Variants in TUBGCP5 observed in about 807,000 individuals in gnomAD.
The protein encoded by TUBGCP5 is tubulin gamma complex component 5.
Under a neutral mutation model 134.7 loss-of-function variants are expected in TUBGCP5, and 98 were observed. The ratio of observed to expected loss-of-function variants is 0.73; its 90% CI spans 0.62 to 0.86. TUBGCP5 has a LOEUF of 0.86. Among genes scored for constraint, TUBGCP5 ranks in the 40% least tolerant of loss-of-function variants. TUBGCP5 has a pLI of 0.00. For synonymous variants in TUBGCP5, 456 were observed against 431.4 expected, an observed-to-expected ratio of 1.06 and a Z score of -0.71; for missense variants, 1,150 against 1,244.8, an observed-to-expected ratio of 0.92 and a Z score of 1.15.
Position 23,024,115 on chromosome 15 carries a change from C to A in TUBGCP5, c.1000G>T (p.Val334Phe). 6.2e-7 allele frequency: 1 copy of A among 1,614,136 alleles called. No homozygotes were observed. Among genetic ancestry groups the A allele is most frequent in the South Asian group, 1.1e-5 (1 of 91,086 alleles). The change falls in exon 10 of 23, where the codon GTC becomes TTC. Residue 334 changes from valine to phenylalanine, a missense_variant. This residue lies in a region of TUBGCP5 where 697 missense variants were observed against 850.1 expected (regional missense o/e 0.82). Transcript: ENST00000615383. ...ATGCTCTCAGAACTGTGTCCCATGA[C>A]TTCATCAATGAACTCCTGGAGTCGA... ...VFRLQEFIDE[V>F]MGHSSESMLP...
intron 1 of TUBGCP5, among the ~76,000 whole-genome samples, chr15:23,038,224 TAAATA>T (rs577335397): frequency 1.9e-4 from 29 of 152,254 alleles, no homozygotes; most frequent in Middle Eastern, 3.4e-3. Flanking sequence ...AATCTGTACT[TAAATA>T]AAATTACACT....
chr15:23,013,410 C>A lies in TUBGCP5; in HGVS notation c.1757-2079G>T, dbSNP rs1036665964. On this transcript the variant is annotated intron_variant, in intron 13 of 22. Coordinates refer to ENST00000615383, the MANE Select transcript of TUBGCP5 (RefSeq NM_052903.6). The surrounding 1 kb of genome is among the most constrained non-coding windows in gnomAD (Gnocchi z 4.5). ...GCAGTGAGCCGAGATCGCGCCGCTG[C>A]ACTCCAGCCTGGGCGACAGGGAAAG... Among the ~76,000 whole-genome samples, 22 of 151,952 alleles carry A rather than the reference C, an allele frequency of 1.4e-4. No individual in the cohort carries two copies. The highest frequency in any genetic ancestry group is 4.6e-4 in the African/African-American group (19 of 41,372).
chr15:22,992,613 C>G (rs190309635), intron 23 of TUBGCP5, among the ~76,000 whole-genome samples: 205 of 152,182 alleles, frequency 1.3e-3, no homozygotes, highest in Admixed American at 3.0e-3. Flanking sequence ...GGGCATGGCT[C>G]TGGGACCAGG....
In TUBGCP5 at chr15:23,021,959, G is replaced by A. The variant is rs1307787702; in HGVS notation, c.1371C>T (p.Thr457=). Reference sequence around the variant, plus strand: ...CACTTTAGGCAGAAGTCTCACTTACGGTTTGCTCAGAGGCTTCTCCAACAT... The same window carrying A: ...CACTTTAGGCAGAAGTCTCACTTACAGTTTGCTCAGAGGCTTCTCCAACAT... ...YDNVGEASEQ[T]VSLLFSLWVE... Residue 457 remains threonine, a splice_region_variant and synonymous_variant, in exon 11 of 23, where the codon ACC becomes ACT. Coordinates refer to ENST00000615383, the MANE Select transcript of TUBGCP5 (RefSeq NM_052903.6). 5 of 1,614,006 alleles carry A rather than the reference G, an allele frequency of 3.1e-6. No individual in the cohort carries two copies. The highest frequency in any genetic ancestry group is 2.2e-5 in the East Asian group (1 of 44,872).
chr15:23,014,052 C>CA (rs1268278493), intron 13 of TUBGCP5, among the ~76,000 whole-genome samples: 1 of 152,218 alleles, frequency 6.6e-6, no homozygotes, highest in East Asian at 1.9e-4. Flanking sequence ...AACAGTCTGG[C>CA]AGCCCCAACA....
rs1397635381 is a variant in TUBGCP5, at chr15:23,027,231, G to A, written c.698C>T (p.Pro233Leu). The A allele has an allele frequency of 1.9e-6, 3 of 1,613,966 alleles. No individual in the cohort carries two copies. In the Admixed American group the frequency reaches 5.0e-5, roughly 27 times the overall value. The change falls in exon 7 of 23, where the codon CCT (proline) becomes CTT (leucine). Residue 233 changes from proline (P) to leucine (L), a missense_variant. Transcript: ENST00000615383. ...ATTAGAGTGCAAATGTAAACTATGA[G>A]GAAACTGGGAGGGCCTGGCTGTCCA... ...QYWTARPSQF[P>L]HSLHLHSNLA...
chr15:23,035,842 C>G (rs954435372), intron 3 of TUBGCP5, among the ~76,000 whole-genome samples: 3 of 152,142 alleles, frequency 2.0e-5, no homozygotes, highest in South Asian at 2.1e-4. Context: ...CTTACTGATT[C>G]CCTCAACAAA....
rs777388921 is a variant in TUBGCP5, at chr15:23,024,015, G to A, written c.1100C>T (p.Ala367Val). The A allele has an allele frequency of 2.5e-6, 4 of 1,613,954 alleles. No individual in the cohort carries two copies. The highest frequency in any genetic ancestry group is 1.7e-6 in the Non-Finnish European group (2 of 1,179,964). The stretch of plus-strand genomic sequence containing the variant: ...GAAACTAATGAAATATTTGTACAGG[G>A]CCCACATGAAAGCCTGGTAGGTTCT... ...PFRTYQAFMW[A>V]LYKYFISFKE... is the part of the protein sequence containing the mutation. The change falls in exon 10 of 23, where the codon GCC becomes GTC. Residue 367 changes from alanine (A) to valine (V), a missense_variant. By Grantham distance (64) the Ala-to-Val change is moderately conservative. Coordinates refer to ENST00000615383, the MANE Select transcript of TUBGCP5 (RefSeq NM_052903.6).
chr15:23,019,257 C>G lies in TUBGCP5; in HGVS notation c.1449G>C (p.Gly483=). Reference sequence around the variant, plus strand: ...ACTCCCTGGCGCCATCCCACAGGTGCCCGTGCACGATCCACTCGTCCACCG... The same window carrying G: ...ACTCCCTGGCGCCATCCCACAGGTGGCCGTGCACGATCCACTCGTCCACCG... ...LQTVDEWIVH[G]HLWDGAREFI... Residue 483 remains glycine (G), a synonymous_variant, in exon 12 of 23, where the codon GGG becomes GGC. Transcript: ENST00000615383. 1 of 1,613,972 alleles carries G rather than the reference C, an allele frequency of 6.2e-7. No individual in the cohort carries two copies.
At chr15:22,985,893 GA>G (rs2063662469) in intron 23 of TUBGCP5, among the ~76,000 whole-genome samples, 1 of 151,190 alleles carries the variant, frequency 6.6e-6, no homozygotes, top group South Asian at 2.1e-4. Context: ...CAGCACTTTG[GA>G]AGGCCGAGAT....
chr15:23,004,095 C>T lies in TUBGCP5; in HGVS notation c.2838+7G>A. ...GTGGCCACATCTGCAGGAGACATCT[C>T]ATGTACCTTTTCTCTCAGCAGACAC... On this transcript the variant is annotated splice_region_variant and intron_variant, in intron 20 of 22. Transcript: ENST00000615383. 6.2e-7 allele frequency: 1 copy of T among 1,607,148 alleles called. No homozygotes were observed. Among genetic ancestry groups the T allele is most frequent in the Non-Finnish European group, 8.5e-7 (1 of 1,178,102 alleles).
chr15:22,989,042 C>T (rs1319714676), intron 23 of TUBGCP5, among the ~76,000 whole-genome samples: 2 of 152,226 alleles, frequency 1.3e-5, no homozygotes. Context: ...TGGCCTCACA[C>T]CTTTCTCTGA....
At chr15:23,036,666 C>A (rs2066605898) in intron 3 of TUBGCP5, among the ~76,000 whole-genome samples, 1 of 152,114 alleles carries the variant, frequency 6.6e-6, no homozygotes, top group Non-Finnish European at 1.5e-5. Context: ...TCTGATCTCT[C>A]TTTCCTTAGT....
intron 16 of TUBGCP5, chr15:23,008,450 A>G (rs774097999): frequency 1.1e-5 from 5 of 469,020 alleles, no homozygotes; most frequent in South Asian, 6.3e-5. Flanking sequence ...GTAGAGACAG[A>G]GTTTCACCAT....
At chr15:23,020,403 T>C (rs561455281) in intron 11 of TUBGCP5, among the ~76,000 whole-genome samples, 1 of 149,556 alleles carries the variant, frequency 6.7e-6, no homozygotes, top group Admixed American at 6.6e-5. Flanking sequence ...CGAGACTCCA[T>C]CTCAAACAAA....
At chr15:22,996,296 C>T (rs1319766732), downstream of TUBGCP5, among the ~76,000 whole-genome samples, 4 of 151,880 alleles carry the variant, frequency 2.6e-5, no homozygotes, top group African/African-American at 7.3e-5. Flanking sequence ...CTGTGGTGCT[C>T]GTGCGGTTTA....
intron 23 of TUBGCP5, among the ~76,000 whole-genome samples, chr15:22,993,569 G>A (rs1157511578): frequency 8.3e-6 from 1 of 119,910 alleles, no homozygotes; most frequent in Non-Finnish European, 1.6e-5. Flanking sequence ...ATATGAGACG[G>A]AGTCTCGCTC....
chr15:23,003,064 C>G lies in TUBGCP5; in HGVS notation c.2927+1G>C. The G allele has an allele frequency of 1.2e-6, 2 of 1,613,974 alleles. No homozygotes were observed. The highest frequency in any genetic ancestry group is 1.7e-6 in the Non-Finnish European group (2 of 1,179,912). On this transcript the variant is annotated splice_donor_variant, in intron 21 of 22. Coordinates refer to ENST00000615383, the MANE Select transcript of TUBGCP5 (RefSeq NM_052903.6). LOFTEE classifies it high-confidence loss of function. Reference sequence around the variant, plus strand: ...AGATGCTGCAGAAATCACATACTTACCGCCAAGTGCCCAGGCCTGCCTGCC... The same window carrying G: ...AGATGCTGCAGAAATCACATACTTAGCGCCAAGTGCCCAGGCCTGCCTGCC...
chr15:23,005,671 C>A, intron 18 of TUBGCP5, 61 bp from the exon 19 acceptor site: 1 of 1,516,364 alleles, frequency 6.6e-7, no homozygotes, highest in East Asian at 2.3e-5. Flanking sequence ...CCCACTGCAC[C>A]ATGACGCCTG....
Sources: allele counts gnomAD v4.1 joint callset (sites outside exome capture counted in the v4.1 genomes callset), GRCh38; gene constraint gnomAD v4.1.1; regional missense constraint gnomAD v4.1.1; non-coding constraint Gnocchi (gnomAD v3.1); transcripts MANE v1.5; gene names NCBI Gene and HGNC (gene_info 2026-07-23, HGNC 2026-07-21).